Variants in KCTD9 observed in about 807,000 individuals in gnomAD.
KCTD9 encodes the protein BTB/POZ domain-containing protein KCTD9.
A neutral mutation model predicts 53.3 loss-of-function variants in KCTD9; 17 were observed. That is an observed-to-expected ratio of 0.32 (90% confidence interval 0.22 to 0.48). KCTD9 has a LOEUF of 0.48. KCTD9 is among the 20% of genes least tolerant of loss of function. KCTD9 has a pLI of 0.99. For synonymous variants in KCTD9, 128 were observed against 162.7 expected (o/e 0.79, Z 1.62); for missense variants, 179 against 465.5 (o/e 0.38, Z 5.66).
In KCTD9 at chr8:25,432,753, A is replaced by T. The variant is rs529403884; in HGVS notation, c.920-116T>A. ...TTTAACTTTTGGAAATTAATCTAAA[A>T]TCTTGTCTCTCAACGAACTTATATA... On this transcript the variant is annotated intron_variant, in intron 10 of 11. Coordinates refer to ENST00000221200, the MANE Select transcript of KCTD9 (RefSeq NM_017634.4). The T allele has an allele frequency of 2.0e-5, 18 of 887,224 alleles. No homozygotes were observed. The African/African-American group carries it at 2.7e-4, about 13-fold the overall frequency. 55.0% of individuals were successfully genotyped at this position (887,224 alleles called of 1,614,324 possible).
intron 1 of KCTD9, among the ~76,000 whole-genome samples, chr8:25,456,472 G>A (rs528107004): frequency 1.5e-4 from 23 of 152,216 alleles, no homozygotes; most frequent in African/African-American, 5.5e-4. Context: ...AGAAAACACT[G>A]CCAACGTCTT....
chr8:25,437,061 G>C (rs902704840), intron 6 of KCTD9, among the ~76,000 whole-genome samples: 2 of 152,176 alleles, frequency 1.3e-5, no homozygotes, highest in Non-Finnish European at 2.9e-5. Context: ...TATTTGGGAA[G>C]AATAATACAA....
At chr8:25,430,813 AC>A (rs1801914140) in intron 11 of KCTD9, among the ~76,000 whole-genome samples, 2 of 7,318 alleles carry the variant, frequency 2.7e-4, no homozygotes, top group South Asian at 9.4e-3. Flanking sequence ...ATAAATACAC[AC>A]ACACACACAC....
intron 1 of KCTD9, among the ~76,000 whole-genome samples, chr8:25,448,930 G>GA (rs1164498310): frequency 6.7e-6 from 1 of 150,220 alleles, no homozygotes; most frequent in Admixed American, 6.7e-5. Flanking sequence ...AAAAAAAAAA[G>GA]AAAAAAAAGC....
chr8:25,453,189 T>C (rs1180400762), intron 1 of KCTD9, among the ~76,000 whole-genome samples: 1 of 151,840 alleles, frequency 6.6e-6, no homozygotes, highest in Non-Finnish European at 1.5e-5. Context: ...AAACCCCATC[T>C]CTACTAAAAA....
rs1476723545 is a variant in KCTD9, at chr8:25,446,116, A to C, written c.170+13T>G. 1 of 1,612,090 alleles carries C rather than the reference A, an allele frequency of 6.2e-7. No individual in the cohort carries two copies. Among genetic ancestry groups the C allele is most frequent in the African/African-American group, 1.3e-5 (1 of 75,002 alleles). On this transcript the variant is annotated intron_variant, in intron 2 of 11. Transcript: ENST00000221200. ...GGCACACTGTTGACAGCTTATAAAA[A>C]GGTGAAGGTTACCTGATCAAAGCAA...
chr8:25,448,149 G>C (rs1422693390), intron 1 of KCTD9, among the ~76,000 whole-genome samples: 4 of 151,504 alleles, frequency 2.6e-5, no homozygotes, highest in African/African-American at 9.7e-5. Context: ...AAAGAAAAGA[G>C]AAAAGGAAAG....
intron 3 of KCTD9, among the ~76,000 whole-genome samples, chr8:25,442,478 T>A (rs1016214493): frequency 4.6e-5 from 7 of 152,188 alleles, no homozygotes; most frequent in Non-Finnish European, 8.8e-5. Flanking sequence ...TACTAAAGTT[T>A]ATAATTTAAT....
At chr8:25,435,562 A>G in intron 8 of KCTD9, 50 bp from the exon 9 acceptor site, 2 of 1,508,234 alleles carry the variant, frequency 1.3e-6, no homozygotes, top group Non-Finnish European at 1.8e-6. Flanking sequence ...GTCTGTTTGT[A>G]TTAAATTTAA....
intron 1 of KCTD9, among the ~76,000 whole-genome samples, chr8:25,449,765 G>C (rs1802283513): frequency 6.6e-6 from 1 of 151,232 alleles, no homozygotes; most frequent in African/African-American, 2.4e-5. Flanking sequence ...ATATTGAATA[G>C]CACAAATTTC....
At chr8:25,455,542 C>T (rs1319307454) in intron 1 of KCTD9, among the ~76,000 whole-genome samples, 2 of 152,200 alleles carry the variant, frequency 1.3e-5, no homozygotes, top group African/African-American at 4.8e-5. Flanking sequence ...TTTATACATA[C>T]TAGGAGAAGT....
At chr8:25,455,291 CAGAAA>C (rs1802412411) in intron 1 of KCTD9, among the ~76,000 whole-genome samples, 1 of 151,612 alleles carries the variant, frequency 6.6e-6, no homozygotes, top group Non-Finnish European at 1.5e-5. Flanking sequence ...ACCAAAAAAT[CAGAAA>C]AGAAAAAAAT....
Position 25,434,076 on chromosome 8 carries a change from AAT to A in KCTD9, c.814-643_814-642del, listed in dbSNP as rs544310435. Among the ~76,000 whole-genome samples, 10 of 152,272 alleles carry A rather than the reference AAT, an allele frequency of 6.6e-5. No homozygotes were observed. The South Asian group carries it at 1.5e-3, about 22-fold the overall frequency. ...CAGGGCAGAGAGTAAAATGGTAGAA[AAT>A]ATATGTTTTAAGACTTTATTTTTTT... On this transcript the variant is annotated intron_variant, in intron 9 of 11. Coordinates refer to ENST00000221200, the MANE Select transcript of KCTD9 (RefSeq NM_017634.4).
At chr8:25,453,233 T>C (rs1453891432) in intron 1 of KCTD9, among the ~76,000 whole-genome samples, 1 of 151,962 alleles carries the variant, frequency 6.6e-6, no homozygotes, top group Non-Finnish European at 1.5e-5. Flanking sequence ...GGCACGTGCC[T>C]GTAATTCCAG....
Position 25,439,311 on chromosome 8 carries a change from T to C in KCTD9, c.467A>G (p.Gln156Arg). 6.2e-7 allele frequency: 1 copy of C among 1,608,806 alleles called. No homozygotes were observed. Among genetic ancestry groups the C allele is most frequent in the Non-Finnish European group, 8.5e-7 (1 of 1,178,060 alleles). ...ATTAATGCCATCATTTACAATGAGC[T>C]GTCCATGACGCAAGTAGTTCAAAAT... is the stretch of plus-strand genomic sequence containing the variant. The part of the protein sequence containing the change: ...EPILNYLRHG[Q>R]LIVNDGINLL... The change falls in exon 6 of 12, where the codon CAG (glutamine) becomes CGG (arginine). Residue 156 changes from glutamine (Q) to arginine (R), a missense_variant. By Grantham distance (43) the Gln-to-Arg change is conservative (BLOSUM62 1). Transcript: ENST00000221200.
intron 1 of KCTD9, among the ~76,000 whole-genome samples, chr8:25,449,580 T>C (rs998183370): frequency 2.6e-5 from 4 of 152,156 alleles, no homozygotes; most frequent in Non-Finnish European, 1.5e-5. Context: ...TCTATTGTCT[T>C]CCGATGAAAA....
At chr8:25,454,457 A>G (rs1404462823) in intron 1 of KCTD9, among the ~76,000 whole-genome samples, 1 of 152,112 alleles carries the variant, frequency 6.6e-6, no homozygotes. Flanking sequence ...ACGTATAGAA[A>G]CTCTGCACTG....
At chr8:25,444,099 T>C (rs1256391859) in intron 3 of KCTD9, among the ~76,000 whole-genome samples, 193 bp downstream of exon 3, 12 of 152,174 alleles carry the variant, frequency 7.9e-5, no homozygotes, top group Non-Finnish European at 1.6e-4. Flanking sequence ...AACATGCATC[T>C]ATAATAAACT....
At position 25,458,252 on chromosome 8, in the gene KCTD9, T is replaced by C; in HGVS notation, c.-6A>G. 6.2e-7 allele frequency: 1 copy of C among 1,603,058 alleles called. No individual in the cohort carries two copies. The highest frequency in any genetic ancestry group is 8.5e-7 in the Non-Finnish European group (1 of 1,175,498). On this transcript the variant is annotated 5_prime_UTR_variant, in exon 1 of 12. Transcript: ENST00000221200. ...AACAGGGTCACCCGCCTCATCGCGC[T>C]GCCCCCGCTGGGTCCTGAGTGAGCC...
Sources: gnomAD v4.1 joint callset for allele counts (sites outside exome capture counted in the v4.1 genomes callset) on GRCh38, gnomAD v4.1.1 for gene constraint, MANE v1.5 for transcripts, NCBI Gene and HGNC (gene_info 2026-07-23, HGNC 2026-07-21) for gene names.